GABRR3: variants seen among roughly 807,000 people sequenced by gnomAD.
The protein encoded by GABRR3 is gamma-aminobutyric acid type A receptor subunit rho3, also known as gamma-aminobutyric acid receptor subunit rho-3.
GABRR3 carries 29 observed loss-of-function variants against 43.2 expected under a neutral mutation model. The ratio of observed to expected loss-of-function variants is 0.67; its 90% CI spans 0.50 to 0.92. The LOEUF (loss-of-function observed/expected upper bound fraction) is 0.92. Ranked by LOEUF, GABRR3 falls within the 40% of genes least tolerant of loss-of-function variation. The probability of loss-of-function intolerance (pLI) is 0.00; values close to 1 mark genes in which losing one functional copy is unlikely to be tolerated. For synonymous variants in GABRR3, 206 were observed against 195.9 expected (o/e 1.05, Z -0.43); for missense variants, 576 against 572.3 (o/e 1.01, Z -0.07).
intron 7 of GABRR3, among the ~76,000 whole-genome samples, chr3:98,003,903 T>C (rs1706688684): frequency 6.6e-6 from 1 of 152,180 alleles, no homozygotes; most frequent in Non-Finnish European, 1.5e-5. Context: ...ATGTAAGTAA[T>C]AAATCACTTC....
chr3:98,017,394 A>G (rs1471987925), intron 4 of GABRR3, among the ~76,000 whole-genome samples: 1 of 152,222 alleles, frequency 6.6e-6, no homozygotes, highest in Non-Finnish European at 1.5e-5. Flanking sequence ...ATTGGTAAAT[A>G]TATCATGATG....
chr3:97,995,311 T>C (rs1706522087), intron 8 of GABRR3, among the ~76,000 whole-genome samples: 1 of 152,156 alleles, frequency 6.6e-6, no homozygotes, highest in African/African-American at 2.4e-5. Flanking sequence ...ATTGGTTTTT[T>C]AAGATATAAA....
At chr3:97,997,538 CATATTTCTGTAAGCATAAACACTCAG>C (rs1706577394) in intron 8 of GABRR3, 1 of 152,172 alleles carries the variant, frequency 6.6e-6, no homozygotes, top group African/African-American at 2.4e-5. Flanking sequence ...AATAATAACA[CATATTTCTGTAAGCATAAACACTCAG>C]GTATACTAAC....
chr3:98,007,265 T>C (rs951616565), intron 7 of GABRR3, among the ~76,000 whole-genome samples: 1 of 151,832 alleles, frequency 6.6e-6, no homozygotes, highest in African/African-American at 2.4e-5. Flanking sequence ...ATGAGAATAT[T>C]GGGGGAAAGC....
chr3:97,994,418 C>T (rs774277712), intron 8 of GABRR3, among the ~76,000 whole-genome samples: 1 of 152,198 alleles, frequency 6.6e-6, no homozygotes, highest in Non-Finnish European at 1.5e-5. Context: ...GATTTGAACT[C>T]CAGAATAAGA....
At chr3:98,024,165 C>T (rs1205145520) in intron 3 of GABRR3, among the ~76,000 whole-genome samples, 2 of 152,152 alleles carry the variant, frequency 1.3e-5, no homozygotes, top group African/African-American at 4.8e-5. Context: ...TGAGAACAAC[C>T]TGACCAACAG....
intron 7 of GABRR3, 115 bp downstream of exon 7, chr3:98,007,649 G>A: frequency 1.9e-6 from 2 of 1,080,506 alleles, no homozygotes; most frequent in East Asian, 2.4e-5. Flanking sequence ...GAGGAATGAT[G>A]GTGCTGGCCA....
At chr3:98,034,077 C>T (rs1031193028) in intron 2 of GABRR3, among the ~76,000 whole-genome samples, 1 of 152,118 alleles carries the variant, frequency 6.6e-6, no homozygotes, top group Admixed American at 6.6e-5. Context: ...CTCTTCATTC[C>T]TCAATTTCTC....
At chr3:98,026,502 G>A (rs575140343) in intron 2 of GABRR3, among the ~76,000 whole-genome samples, 1 of 152,240 alleles carries the variant, frequency 6.6e-6, no homozygotes, top group Non-Finnish European at 1.5e-5. Context: ...TGTGGGTGTG[G>A]AGGGGAAATG....
At chr3:97,991,097 G>A (rs1384083658) in intron 9 of GABRR3, among the ~76,000 whole-genome samples, 2 of 152,178 alleles carry the variant, frequency 1.3e-5, no homozygotes, top group African/African-American at 4.8e-5. Flanking sequence ...TGTGGCAGGT[G>A]GGGGCAGGGA....
chr3:98,021,176 C>A (rs1218037835), intron 3 of GABRR3, among the ~76,000 whole-genome samples: 4 of 151,958 alleles, frequency 2.6e-5, no homozygotes, highest in Non-Finnish European at 5.9e-5. Context: ...TCATTTCTGC[C>A]TGGTTTGAGC....
intron 3 of GABRR3, among the ~76,000 whole-genome samples, chr3:98,020,146 A>C (rs1228060633): frequency 6.6e-6 from 1 of 152,192 alleles, no homozygotes; most frequent in Non-Finnish European, 1.5e-5. Flanking sequence ...AGAATGTCCC[A>C]AATGAAGTTC....
exon 5 of GABRR3, chr3:98,012,379 G>A (rs745796884): frequency 1.6e-5 from 26 of 1,613,784 alleles, no homozygotes; most frequent in South Asian, 6.6e-5. Flanking sequence ...CAGGGTGTAC[G>A]CGCAGCATGA....
chr3:98,035,035 T>G (rs1707134566), intron 1 of GABRR3, 46 bp from the exon 2 acceptor site: 3 of 1,579,062 alleles, frequency 1.9e-6, no homozygotes, highest in Middle Eastern at 1.7e-4. Flanking sequence ...ACGCAACCAA[T>G]ACTGTGATCA....
At chr3:98,017,346 A>G (rs1285725481) in intron 4 of GABRR3, among the ~76,000 whole-genome samples, 2 of 152,226 alleles carry the variant, frequency 1.3e-5, no homozygotes, top group African/African-American at 4.8e-5. Flanking sequence ...TAGTATGGTC[A>G]TCCTTCTGTT....
chr3:98,009,912 G>A (rs1417913680), intron 5 of GABRR3, among the ~76,000 whole-genome samples: 2 of 152,178 alleles, frequency 1.3e-5, no homozygotes, highest in Admixed American at 1.3e-4. Context: ...ACCTAGAAAG[G>A]ACCCTCCGAG....
At chr3:97,996,028 A>G (rs1706549567) in intron 8 of GABRR3, among the ~76,000 whole-genome samples, 1 of 152,172 alleles carries the variant, frequency 6.6e-6, no homozygotes, top group Non-Finnish European at 1.5e-5. Flanking sequence ...GGGTCTTAAG[A>G]ACCCTTTAGT....
chr3:98,023,322 C>CA (rs1421680442), intron 3 of GABRR3, among the ~76,000 whole-genome samples: 1 of 152,176 alleles, frequency 6.6e-6, no homozygotes, highest in Non-Finnish European at 1.5e-5. Context: ...TCTAACCTGA[C>CA]ATGAATTAGG....
intron 9 of GABRR3, among the ~76,000 whole-genome samples, chr3:97,987,965 C>G (rs1271463506): frequency 6.6e-6 from 1 of 151,554 alleles, no homozygotes; most frequent in Non-Finnish European, 1.5e-5. Flanking sequence ...CACTCATTCT[C>G]TTTTATTTAA....
Sources: allele counts gnomAD v4.1 joint callset (sites outside exome capture counted in the v4.1 genomes callset), GRCh38; gene constraint gnomAD v4.1.1; transcripts MANE v1.5; gene names NCBI Gene and HGNC (gene_info 2026-07-23, HGNC 2026-07-21).